The following GAB4 variants were observed in gnomAD, a reference collection of about 807,000 sequenced individuals.
The protein encoded by GAB4 is GRB2 associated binding protein family member 4.
In GAB4, 26 loss-of-function variants were observed where a neutral mutation model predicts 51.3. The ratio of observed to expected loss-of-function variants is 0.51; its 90% CI spans 0.37 to 0.70. GAB4 has a LOEUF of 0.70. Ranked by LOEUF, GAB4 falls within the 30% of genes least tolerant of loss-of-function variation. GAB4 has a pLI of 0.00. For synonymous variants in GAB4, 329 were observed against 291.2 expected (o/e 1.13, Z -1.32); for missense variants, 759 against 734.6 (o/e 1.03, Z -0.38).
At chr22:16,990,464 C>T (rs11089388) in intron 2 of GAB4, among the ~76,000 whole-genome samples, 24,473 of 152,098 alleles carry the variant, frequency 0.16, 2,263 homozygotes, top group East Asian at 0.41. Context: ...GTCACTGCTC[C>T]TCATTGCCCT....
chr22:16,986,876 G>A (rs142927742), intron 3 of GAB4, among the ~76,000 whole-genome samples: 1 of 152,308 alleles, frequency 6.6e-6, no homozygotes, highest in East Asian at 1.9e-4. Flanking sequence ...ATTGAGTGCT[G>A]GAGCCCCTGC....
At chr22:16,982,870 A>G (rs1199432757) in intron 3 of GAB4, among the ~76,000 whole-genome samples, 3 of 152,204 alleles carry the variant, frequency 2.0e-5, no homozygotes, top group Non-Finnish European at 4.4e-5. Flanking sequence ...GGCCTTTGGA[A>G]CACCAAATTC....
intron 3 of GAB4, among the ~76,000 whole-genome samples, chr22:16,986,213 T>A (rs955072154): frequency 1.3e-5 from 2 of 152,218 alleles, no homozygotes; most frequent in Non-Finnish European, 2.9e-5. Flanking sequence ...TGCACTGGTA[T>A]CCTCAGTCTG....
At chr22:16,996,130 G>A (rs1040309165) in intron 1 of GAB4, among the ~76,000 whole-genome samples, 1 of 151,676 alleles carries the variant, frequency 6.6e-6, no homozygotes, top group Non-Finnish European at 1.5e-5. Flanking sequence ...TCATGAAGCC[G>A]AAAGAGACAG....
intron 8 of GAB4, among the ~76,000 whole-genome samples, chr22:16,964,319 A>G: frequency 6.6e-6 from 1 of 152,108 alleles, no homozygotes; most frequent in Non-Finnish European, 1.5e-5. Flanking sequence ...CATTCTTCCA[A>G]TATCTATGCA....
Position 16,962,772 on chromosome 22 carries a change from C to A in GAB4, c.1686G>T (p.Leu562=), listed in dbSNP as rs760057772. The stretch of plus-strand genomic sequence containing the variant: ...CCCTGGGAGGCTCTGAGGACTGCCG[C>A]AGGCACATCTGTTCATGCATGGTCT... ...LQKTMHEQMC[L]RQSSEPPRGA... Residue 562 remains leucine, a synonymous_variant, in exon 10 of 10, where the codon CTG becomes CTT. Coordinates refer to ENST00000400588, the MANE Select transcript of GAB4 (RefSeq NM_001037814.1). 3.7e-6 allele frequency: 6 copies of A among 1,613,472 alleles called. No individual in the cohort carries two copies. The East Asian group carries it at 1.1e-4, about 30-fold the overall frequency.
At chr22:16,972,442 G>A (rs540206524) in intron 3 of GAB4, among the ~76,000 whole-genome samples, 1 of 152,348 alleles carries the variant, frequency 6.6e-6, no homozygotes, top group South Asian at 2.1e-4. Context: ...GCAGTTCAAG[G>A]GGCTGCAAGC....
rs2123628817 is a variant in GAB4, at chr22:16,962,228, C to T, written c.*505G>A. 1 of 152,654 alleles carries T rather than the reference C, an allele frequency of 6.6e-6. No individual in the cohort carries two copies. The highest frequency in any genetic ancestry group is 3.3e-3 in the Middle Eastern group (1 of 300). The allele number at this position is 152,654 out of a possible 1,614,324, so 9.5% of individuals were successfully genotyped here. ...TGCAGGTATCAGCTGCCCTGCTGGT[C>T]TAAGGATCTAATTCCTTTGCTTCTC... On this transcript the variant is annotated 3_prime_UTR_variant, in exon 10 of 10. Transcript: ENST00000400588.
intron 9 of GAB4, 55 bp downstream of exon 9, chr22:16,963,670 A>G: frequency 2.3e-6 from 3 of 1,307,744 alleles, no homozygotes; most frequent in South Asian, 1.2e-5. Context: ...CTGGCCCCAC[A>G]GTCTCTCCCC....
chr22:16,967,494 G>T (rs1432270010), intron 5 of GAB4: 1 of 152,380 alleles, frequency 6.6e-6, no homozygotes, highest in Non-Finnish European at 1.5e-5. Context: ...GGAAGGTGAC[G>T]TATGGGGTGA....
intron 1 of GAB4, among the ~76,000 whole-genome samples, chr22:16,997,170 T>G (rs370153254): frequency 2.0e-5 from 3 of 152,338 alleles, no homozygotes; most frequent in South Asian, 2.1e-4. Context: ...GTAATGGGAT[T>G]GCTGGGTCAA....
intron 3 of GAB4, among the ~76,000 whole-genome samples, chr22:16,985,165 G>A (rs1350083843): frequency 7.2e-5 from 11 of 152,088 alleles, no homozygotes; most frequent in Non-Finnish European, 1.0e-4. Context: ...CTTTACCAGG[G>A]TCCCTGTATC....
rs1459759248 is a variant in GAB4, at chr22:16,987,161, C to G, written c.686+799G>C. ...CCATTTATCTGTCTGCCTTCATTTT[C>G]ACAGCATGATTTAGGTATTTCTAAA... On this transcript the variant is annotated intron_variant, in intron 3 of 9. Transcript: ENST00000400588. Among the ~76,000 whole-genome samples the G allele has an allele frequency of 4.6e-5, 7 of 152,232 alleles. No homozygotes were observed. In the East Asian group the frequency reaches 1.3e-3, roughly 29 times the overall value.
At chr22:16,972,316 T>C (rs1350923813) in intron 3 of GAB4, among the ~76,000 whole-genome samples, 5 of 152,212 alleles carry the variant, frequency 3.3e-5, no homozygotes, top group Admixed American at 6.5e-5. Context: ...GAAAGCCTTA[T>C]GCAAAGCCTT....
intron 1 of GAB4, among the ~76,000 whole-genome samples, chr22:17,006,687 T>G (rs2061042516): frequency 6.6e-6 from 1 of 152,168 alleles, no homozygotes; most frequent in Non-Finnish European, 1.5e-5. Context: ...TAAAAAAGAA[T>G]GAGTTCATGT....
At chr22:17,005,999 A>G (rs902119579) in intron 1 of GAB4, among the ~76,000 whole-genome samples, 1 of 152,274 alleles carries the variant, frequency 6.6e-6, no homozygotes, top group Non-Finnish European at 1.5e-5. Context: ...AGCAATGGTA[A>G]CAAAAGCCAA....
intron 1 of GAB4, among the ~76,000 whole-genome samples, chr22:16,994,120 T>G (rs773170467): frequency 1.2e-4 from 19 of 152,230 alleles, no homozygotes; most frequent in Non-Finnish European, 2.5e-4. Flanking sequence ...GGCCCAGTTT[T>G]TCTACCCTCT....
chr22:16,989,924 G>T (rs1430070336), intron 2 of GAB4, among the ~76,000 whole-genome samples: 1 of 152,206 alleles, frequency 6.6e-6, no homozygotes, highest in Non-Finnish European at 1.5e-5. Flanking sequence ...TGAACCTGCA[G>T]CTCAGGCCTT....
At position 16,963,252 on chromosome 22, in the gene GAB4, C is replaced by T. The variant is rs1417787582; in HGVS notation, c.1582-376G>A. Among the ~76,000 whole-genome samples, 11 of 152,152 alleles carry T rather than the reference C, an allele frequency of 7.2e-5. No individual in the cohort carries two copies. In the South Asian group the frequency reaches 1.9e-3, roughly 26 times the overall value. ...TGGTGAGCCCTATCTCCCCAAGGGGCGCAATGCACAGAGATGGAGCTCTCC... is the reference window on the plus strand; with the variant it reads ...TGGTGAGCCCTATCTCCCCAAGGGGTGCAATGCACAGAGATGGAGCTCTCC... On this transcript the variant is annotated intron_variant, in intron 9 of 9. Transcript: ENST00000400588.
Sources: allele counts gnomAD v4.1 joint callset (sites outside exome capture counted in the v4.1 genomes callset), GRCh38; gene constraint gnomAD v4.1.1; transcripts MANE v1.5; gene names NCBI Gene and HGNC (gene_info 2026-07-23, HGNC 2026-07-21).